The following SP3 variants were observed in gnomAD, a reference collection of about 807,000 sequenced individuals.
The protein encoded by SP3 is transcription factor Sp3.
In SP3, 10 loss-of-function variants were observed where a neutral mutation model predicts 70.3. The ratio of observed to expected loss-of-function variants is 0.14; its 90% confidence interval spans 0.09 to 0.24. SP3 has a LOEUF of 0.24. Among genes scored for constraint, SP3 ranks in the 10% least tolerant of loss-of-function variants. SP3 has a pLI of 1.00. For synonymous variants in SP3, 402 were observed against 333.5 expected (o/e 1.21, Z -2.24); for missense variants, 825 against 914.6 (o/e 0.90, Z 1.26).
chr2:173,963,879 G>C lies in SP3; in HGVS notation c.161C>G (p.Thr54Ser). The change falls in exon 3 of 7, where the codon ACT (threonine) becomes AGT (serine). Residue 54 changes from threonine to serine, a missense_variant. Physicochemically the swap from Thr to Ser is moderately conservative, Grantham distance 58. Coordinates refer to ENST00000310015, the MANE Select transcript of SP3 (RefSeq NM_003111.5). Reference sequence around the variant, plus strand: ...CAGCAGAGCGAGCGGTGACGGCTGAGTGTCCTACCCCCAATGGGCGGGTTC... The same window carrying C: ...CAGCAGAGCGAGCGGTGACGGCTGACTGTCCTACCCCCAATGGGCGGGTTC... ...AVAAAAAAQD[T>S]QPSPLALLAA... The C allele has an allele frequency of 3.3e-6, 5 of 1,510,112 alleles. No individual in the cohort carries two copies. Among genetic ancestry groups the C allele is most frequent in the Non-Finnish European group, 4.4e-6 (5 of 1,127,640 alleles). The allele number at this position is 1,510,112 out of a possible 1,614,324, so 93.5% of individuals were successfully genotyped here.
At chr2:173,933,167 A>G (rs578150037) in intron 4 of SP3, among the ~76,000 whole-genome samples, 61 of 152,294 alleles carry the variant, frequency 4.0e-4, no homozygotes, top group Admixed American at 8.5e-4. Context: ...GTGAAGCACA[A>G]TAAGATAAAG....
At chr2:173,947,232 C>G (rs1690571943) in intron 4 of SP3, among the ~76,000 whole-genome samples, 1 of 152,172 alleles carries the variant, frequency 6.6e-6, no homozygotes, top group African/African-American at 2.4e-5. Flanking sequence ...CATTGCTTCT[C>G]TTGCCATTCA....
In SP3 at chr2:173,904,010, T is replaced by C. The variant is rs1689245130; in HGVS notation, c.*5931A>G. The stretch of plus-strand genomic sequence containing the variant: ...ATGGATGGGGGTCGGGGGGTGGGGA[T>C]GGTTGTAGGATGAAACTGCTCTACC... On this transcript the variant is annotated 3_prime_UTR_variant, in exon 7 of 7. Transcript: ENST00000310015. Among the ~76,000 whole-genome samples, 1 of 150,644 alleles carries C rather than the reference T, an allele frequency of 6.6e-6. No homozygotes were observed. The highest frequency in any genetic ancestry group is 2.4e-5 in the African/African-American group (1 of 41,042).
chr2:173,934,742 T>A (rs1489974662), intron 4 of SP3, among the ~76,000 whole-genome samples: 3 of 152,190 alleles, frequency 2.0e-5, no homozygotes, highest in Non-Finnish European at 4.4e-5. Flanking sequence ...AGCACTCTAC[T>A]TATTTATCAA....
At chr2:173,930,952 T>C (rs1001429834) in intron 4 of SP3, among the ~76,000 whole-genome samples, 1 of 152,180 alleles carries the variant, frequency 6.6e-6, no homozygotes, top group African/African-American at 2.4e-5. Flanking sequence ...AATATAGACA[T>C]ACCTCAGAAA....
chr2:173,911,128 G>C (rs1294458273), intron 6 of SP3, among the ~76,000 whole-genome samples: 2 of 152,072 alleles, frequency 1.3e-5, no homozygotes, highest in African/African-American at 4.8e-5. Context: ...CCTCATGCTT[G>C]AACTATACTG....
At chr2:173,942,497 T>A (rs1690402298) in intron 4 of SP3, among the ~76,000 whole-genome samples, 1 of 151,924 alleles carries the variant, frequency 6.6e-6, no homozygotes. Context: ...ACCCAGGAGG[T>A]GGAAGTTACA....
At chr2:173,920,356 T>C (rs1436773823) in intron 4 of SP3, among the ~76,000 whole-genome samples, 1 of 152,172 alleles carries the variant, frequency 6.6e-6, no homozygotes, top group Non-Finnish European at 1.5e-5. Flanking sequence ...TATAGGTGGA[T>C]GCATGGCATA....
chr2:173,926,570 G>A (rs1204901198), intron 4 of SP3, among the ~76,000 whole-genome samples: 1 of 152,170 alleles, frequency 6.6e-6, no homozygotes, highest in Non-Finnish European at 1.5e-5. Flanking sequence ...AGGCCAAGGA[G>A]GGAGGGTCAC....
Position 173,909,183 on chromosome 2 carries a change from T to C in SP3, c.*758A>G, listed in dbSNP as rs1354631570. The C allele has an allele frequency of 6.6e-6, 1 of 152,596 alleles. No individual in the cohort carries two copies. The highest frequency in any genetic ancestry group is 1.5e-5 in the Non-Finnish European group (1 of 67,974). 9.5% of individuals were successfully genotyped at this position (152,596 alleles called of 1,614,324 possible). ...GGGATAATTCACTATAACATTCTCT[T>C]ACCACCCAAATGCCTCAACTTATAC... On this transcript the variant is annotated 3_prime_UTR_variant, in exon 7 of 7. Transcript: ENST00000310015.
chr2:173,938,761 G>A (rs1310230311), intron 4 of SP3, among the ~76,000 whole-genome samples: 1 of 152,104 alleles, frequency 6.6e-6, no homozygotes, highest in African/African-American at 2.4e-5. Context: ...CTTGAAAGAT[G>A]TCAACCTGAA....
In SP3 at chr2:173,918,679, A is replaced by T. The variant is rs756921431; in HGVS notation, c.1746T>A (p.Asp582Glu). The T allele has an allele frequency of 6.2e-7, 1 of 1,613,838 alleles. No individual in the cohort carries two copies. The highest frequency in any genetic ancestry group is 8.5e-7 in the Non-Finnish European group (1 of 1,179,852). ...DLTHLRVQVVDEEGDQQHQEG... is the reference protein window; with the variant it reads ...DLTHLRVQVVEEEGDQQHQEG... Reference sequence around the variant, plus strand: ...CTTGATGTTGTTGGTCCCCTTCTTCATCTACCACCTGTACTCTTAAGTGTG... The same window carrying T: ...CTTGATGTTGTTGGTCCCCTTCTTCTTCTACCACCTGTACTCTTAAGTGTG... Residue 582 changes from aspartate to glutamate, a missense_variant, in exon 5 of 7, where the codon GAT becomes GAA. This residue lies in a region of SP3 where 37 missense variants were observed against 66.2 expected (regional missense o/e 0.56). Coordinates refer to ENST00000310015, the MANE Select transcript of SP3 (RefSeq NM_003111.5).
intron 4 of SP3, among the ~76,000 whole-genome samples, chr2:173,923,182 A>G (rs987604444): frequency 2.6e-5 from 4 of 152,140 alleles, no homozygotes; most frequent in Non-Finnish European, 5.9e-5. Context: ...AAAATGTTTA[A>G]GTTTCCTTTT....
rs35063529 is a variant in SP3, at chr2:173,954,985, A to C, written c.1527T>G (p.Thr509=). The change falls in exon 4 of 7, where the codon ACT becomes ACG. Residue 509 remains threonine, a synonymous_variant. Transcript: ENST00000310015. The part of the protein sequence containing the change: ...QVAAGGAFTS[T]PVSLSTGQLP... ...ACTGACCAGTGCTTAGACTAACTGG[A>C]GTTGAAGTGAAGGCTCCACCTGCCG... 24,110 of 1,614,150 alleles carry C rather than the reference A, an allele frequency of 0.015. 234 individuals carry two copies. The highest frequency in any genetic ancestry group is 0.018 in the Non-Finnish European group (20,935 of 1,180,028).
At chr2:173,929,365 C>A (rs1270256295) in intron 4 of SP3, among the ~76,000 whole-genome samples, 2 of 152,152 alleles carry the variant, frequency 1.3e-5, no homozygotes, top group Admixed American at 6.6e-5. Flanking sequence ...ACCCAAATAT[C>A]CCATCCAGTC....
rs1574399955 is a variant in SP3 at position 173,918,686 on chromosome 2, A to C, written c.1739T>G (p.Val580Gly). The change falls in exon 5 of 7, where the codon GTG becomes GGG. Residue 580 changes from valine to glycine, a missense_variant. Physicochemically the swap from Val to Gly is moderately radical, Grantham distance 109. This residue lies in a region of SP3 where 37 missense variants were observed against 66.2 expected (regional missense o/e 0.56). Transcript: ENST00000310015. ...TTGTTGGTCCCCTTCTTCATCTACC[A>C]CCTGTACTCTTAAGTGTGTTAGGTC... ...TNDLTHLRVQVVDEEGDQQHQ... is the reference protein window; with the variant it reads ...TNDLTHLRVQGVDEEGDQQHQ... 1.2e-6 allele frequency: 2 copies of C among 1,613,590 alleles called. No individual in the cohort carries two copies.
intron 4 of SP3, among the ~76,000 whole-genome samples, chr2:173,947,547 TTTGA>T (rs1306038766): frequency 1.3e-5 from 2 of 152,140 alleles, no homozygotes; most frequent in African/African-American, 4.8e-5. Flanking sequence ...ATGTACAGGA[TTTGA>T]TTGTTTTTCC....
At chr2:173,936,879 C>G (rs1690222994) in intron 4 of SP3, among the ~76,000 whole-genome samples, 1 of 151,514 alleles carries the variant, frequency 6.6e-6, no homozygotes, top group African/African-American at 2.4e-5. Context: ...CCCCATTAAA[C>G]TTCTCTCTTC....
chr2:173,918,464 CG>C (rs146961835), intron 5 of SP3, 128 bp downstream of exon 5: 48,775 of 889,916 alleles, frequency 0.055, 1,558 homozygotes, highest in Middle Eastern at 0.099. Flanking sequence ...TTCTGCCACA[CG>C]CATACACACA....
Sources: allele counts gnomAD v4.1 joint callset (sites outside exome capture counted in the v4.1 genomes callset), GRCh38; gene constraint gnomAD v4.1.1; regional missense constraint gnomAD v4.1.1; transcripts MANE v1.5; gene names NCBI Gene and HGNC (gene_info 2026-07-23, HGNC 2026-07-21).